The following ADAMTS12 variants were observed in gnomAD, a reference collection of about 807,000 sequenced individuals.
ADAMTS12 encodes the protein A disintegrin and metalloproteinase with thrombospondin motifs 12.
ADAMTS12 carries 118 observed loss-of-function variants against 167.8 expected under a neutral mutation model. That is an observed-to-expected ratio of 0.70 (90% CI 0.61 to 0.82). The LOEUF is 0.82. Among genes scored for constraint, ADAMTS12 ranks in the 40% least tolerant of loss-of-function variants. The pLI, the probability that ADAMTS12 is intolerant of heterozygous loss-of-function variation, is 0.00. For missense variants in ADAMTS12, 1,916 were observed against 1,998.8 expected, an observed-to-expected ratio of 0.96 and a Z score of 0.79; for synonymous variants, 704 against 716.9, an observed-to-expected ratio of 0.98 and a Z score of 0.29.
At chr5:33,791,090 G>A (rs1746550036) in intron 2 of ADAMTS12, among the ~76,000 whole-genome samples, 1 of 152,082 alleles carries the variant, frequency 6.6e-6, no homozygotes, top group Non-Finnish European at 1.5e-5. Flanking sequence ...AGGCCTCTGA[G>A]CTAAGCTCCA....
Position 33,891,930 on chromosome 5 carries a change from G to A in ADAMTS12, c.-74C>T. The A allele has an allele frequency of 1.3e-6, 2 of 1,561,756 alleles. No homozygotes were observed. Among genetic ancestry groups the A allele is most frequent in the East Asian group, 2.3e-5 (1 of 44,334 alleles). ...CTCCAGAAATAAAGCGCTCGCCTGTGGCCCAGCAGGAAGATGCAGGGGTGC... is the reference window on the plus strand; with the variant it reads ...CTCCAGAAATAAAGCGCTCGCCTGTAGCCCAGCAGGAAGATGCAGGGGTGC... On this transcript the variant is annotated 5_prime_UTR_variant, in exon 1 of 24. Coordinates refer to ENST00000504830, the MANE Select transcript of ADAMTS12 (RefSeq NM_030955.4).
intron 2 of ADAMTS12, among the ~76,000 whole-genome samples, chr5:33,858,700 A>C (rs1209143326): frequency 6.6e-6 from 1 of 152,076 alleles, no homozygotes; most frequent in Non-Finnish European, 1.5e-5. Flanking sequence ...CCAACAACAA[A>C]AAAAACTTGA....
At chr5:33,608,320 T>C (rs1738548151) in intron 16 of ADAMTS12, among the ~76,000 whole-genome samples, 1 of 152,106 alleles carries the variant, frequency 6.6e-6, no homozygotes, top group African/African-American at 2.4e-5. Flanking sequence ...AGTCGGCAAA[T>C]AATCAGAGGT....
At chr5:33,555,070 G>A (rs2111859225) in intron 20 of ADAMTS12, among the ~76,000 whole-genome samples, 1 of 152,258 alleles carries the variant, frequency 6.6e-6, no homozygotes, top group South Asian at 2.1e-4. Flanking sequence ...AGTAATAAAG[G>A]GGTTGTCAAA....
rs534143741 is a variant in ADAMTS12 at position 33,591,314 on chromosome 5, C to T, written c.2655-2505G>A. ...CCCCTATCAGTATATGTTCCAACAG[C>T]GCTGATCGCCAACAAACCAGGACAC... On this transcript the variant is annotated intron_variant, in intron 17 of 23. Coordinates refer to ENST00000504830, the MANE Select transcript of ADAMTS12 (RefSeq NM_030955.4). 9.9e-4 allele frequency among the ~76,000 whole-genome samples: 151 copies of T among 152,244 alleles called. 4 individuals carry two copies. The South Asian group carries it at 0.031, about 31-fold the overall frequency.
chr5:33,827,575 C>T (rs1210338334), intron 2 of ADAMTS12, among the ~76,000 whole-genome samples: 6 of 151,952 alleles, frequency 3.9e-5, no homozygotes, highest in Admixed American at 3.9e-4. Context: ...AAGCTATTAC[C>T]TCAGCAAATT....
At chr5:33,527,711 G>C (rs375821992) in intron 23 of ADAMTS12, among the ~76,000 whole-genome samples, 1 of 152,160 alleles carries the variant, frequency 6.6e-6, no homozygotes, top group African/African-American at 2.4e-5. Flanking sequence ...TAGTAGACAC[G>C]ATCTCTGCAG....
chr5:33,879,687 C>T (rs1364044), intron 2 of ADAMTS12, among the ~76,000 whole-genome samples: 52,860 of 151,998 alleles, frequency 0.35, 9,406 homozygotes, highest in African/African-American at 0.41. Context: ...CAGAAAGAGG[C>T]AAAGCAAGAC....
intron 2 of ADAMTS12, among the ~76,000 whole-genome samples, chr5:33,865,512 T>C (rs1374267596): frequency 6.6e-6 from 1 of 152,118 alleles, no homozygotes; most frequent in Non-Finnish European, 1.5e-5. Context: ...GTCAATATCA[T>C]ACTGAAGGGG....
chr5:33,780,874 C>G (rs1746101723), intron 2 of ADAMTS12, among the ~76,000 whole-genome samples: 1 of 152,060 alleles, frequency 6.6e-6, no homozygotes, highest in Non-Finnish European at 1.5e-5. Flanking sequence ...TCAGAAAGCT[C>G]CTGATGGTCA....
At chr5:33,569,605 T>C (rs112756400) in intron 19 of ADAMTS12, among the ~76,000 whole-genome samples, 1 of 151,976 alleles carries the variant, frequency 6.6e-6, no homozygotes. Context: ...TACATCACCA[T>C]CATCAAAGAC....
intron 2 of ADAMTS12, among the ~76,000 whole-genome samples, chr5:33,821,203 TTAC>T (rs913053298): frequency 6.6e-6 from 1 of 152,290 alleles, no homozygotes; most frequent in African/African-American, 2.4e-5. Context: ...TCTTATAGTT[TTAC>T]TACATTTATA....
At chr5:33,818,754 CTT>C (rs1368840040) in intron 2 of ADAMTS12, among the ~76,000 whole-genome samples, 3 of 152,108 alleles carry the variant, frequency 2.0e-5, no homozygotes, top group South Asian at 2.1e-4. Flanking sequence ...TTGGTTATCT[CTT>C]GTCTTTTTGG....
At chr5:33,734,622 G>A (rs1036886128) in intron 3 of ADAMTS12, among the ~76,000 whole-genome samples, 1 of 152,188 alleles carries the variant, frequency 6.6e-6, no homozygotes, top group Admixed American at 6.5e-5. Flanking sequence ...TTACTATCCT[G>A]ATTGCCCCAA....
chr5:33,804,656 T>G (rs1314744464), intron 2 of ADAMTS12, among the ~76,000 whole-genome samples: 2 of 152,200 alleles, frequency 1.3e-5, no homozygotes, highest in African/African-American at 4.8e-5. Flanking sequence ...GAAACCATTT[T>G]GATAAAATAT....
chr5:33,868,574 T>C (rs1749915728), intron 2 of ADAMTS12, among the ~76,000 whole-genome samples: 1 of 152,086 alleles, frequency 6.6e-6, no homozygotes, highest in African/African-American at 2.4e-5. Context: ...TGATTTAGAG[T>C]ATCTGGTGGA....
chr5:33,817,769 T>C (rs1017507251), intron 2 of ADAMTS12, among the ~76,000 whole-genome samples: 3 of 152,162 alleles, frequency 2.0e-5, no homozygotes, highest in African/African-American at 7.2e-5. Context: ...CCATAATTCT[T>C]TAATTTATCA....
chr5:33,549,317 G>A lies in ADAMTS12; in HGVS notation c.4192C>T (p.Arg1398Trp), dbSNP rs145577755. ...EIQCVDSRDH[R>W]NLRPFHCQFL... Reference sequence around the variant, plus strand: ...TGGCAGTGAAATGGCCTCAGGTTCCGGTGGTCCCGGCTGTCCACGCACTGA... The same window carrying A: ...TGGCAGTGAAATGGCCTCAGGTTCCAGTGGTCCCGGCTGTCCACGCACTGA... The change falls in exon 21 of 24, where the codon CGG becomes TGG. Residue 1398 changes from arginine (R) to tryptophan (W), a missense_variant. Physicochemically the swap from Arg to Trp is moderately radical, Grantham distance 101 (BLOSUM62 -3). Transcript: ENST00000504830. 3.3e-4 allele frequency: 533 copies of A among 1,614,198 alleles called. 3 individuals are homozygous for A. The African/African-American group carries it at 5.8e-3, about 18-fold the overall frequency.
At chr5:33,700,611 T>C (rs1435246036) in intron 3 of ADAMTS12, among the ~76,000 whole-genome samples, 1 of 152,176 alleles carries the variant, frequency 6.6e-6, no homozygotes. Flanking sequence ...TTCAGTATCT[T>C]GACTGTCAGT....
Sources: gnomAD v4.1 joint callset for allele counts (sites outside exome capture counted in the v4.1 genomes callset) on GRCh38, gnomAD v4.1.1 for gene constraint, MANE v1.5 for transcripts, NCBI Gene and HGNC (gene_info 2026-07-23, HGNC 2026-07-21) for gene names.